AGBL1: variants seen among roughly 807,000 people sequenced by gnomAD.
The protein encoded by AGBL1 is cytosolic carboxypeptidase 4.
Under a neutral mutation model 118.9 loss-of-function variants are expected in AGBL1, and 130 were observed. The ratio of observed to expected loss-of-function variants is 1.09; its 90% confidence interval spans 0.95 to 1.26. The LOEUF (loss-of-function observed/expected upper bound fraction) is 1.26, where lower values mean the gene tolerates loss of function less well. Ranked by LOEUF, AGBL1 falls within the 50% of genes most tolerant of loss-of-function variation. AGBL1 has a pLI of 0.00. For synonymous variants in AGBL1, 555 were observed against 478.9 expected, an observed-to-expected ratio of 1.16 and a Z score of -2.08; for missense variants, 1,584 against 1,298.1, an observed-to-expected ratio of 1.22 and a Z score of -3.38.
chr15:86,899,348 A>C (rs570065182), intron 22 of AGBL1, among the ~76,000 whole-genome samples: 7 of 152,264 alleles, frequency 4.6e-5, no homozygotes, highest in African/African-American at 1.7e-4. Flanking sequence ...GAACTTTTAA[A>C]CCCAAAAAGG....
At chr15:86,436,685 G>C (rs185135031) in intron 18 of AGBL1, among the ~76,000 whole-genome samples, 11 of 152,282 alleles carry the variant, frequency 7.2e-5, no homozygotes, top group Admixed American at 1.3e-4. Context: ...AATATTTGTT[G>C]ACAACCATGA....
At chr15:86,821,981 G>T (rs771286991) in intron 22 of AGBL1, among the ~76,000 whole-genome samples, 1 of 152,084 alleles carries the variant, frequency 6.6e-6, no homozygotes, top group Non-Finnish European at 1.5e-5. Flanking sequence ...TCCTGTCTCA[G>T]AGTTTTCTGA....
intron 22 of AGBL1, among the ~76,000 whole-genome samples, chr15:86,678,145 C>T (rs1383775652): frequency 1.3e-5 from 2 of 152,100 alleles, no homozygotes; most frequent in African/African-American, 4.8e-5. Flanking sequence ...ATTTAACATC[C>T]ACTCTTCTAT....
intron 23 of AGBL1, among the ~76,000 whole-genome samples, chr15:86,935,671 A>G (rs1406991597): frequency 6.6e-6 from 1 of 152,334 alleles, no homozygotes; most frequent in South Asian, 2.1e-4. Flanking sequence ...TTATGGAAAC[A>G]TAAAGAGCCC....
At chr15:86,144,416 C>G (rs527763102) in intron 3 of AGBL1, among the ~76,000 whole-genome samples, 42 of 152,294 alleles carry the variant, frequency 2.8e-4, no homozygotes, top group African/African-American at 9.4e-4. Flanking sequence ...CGGACTCAAC[C>G]TAAACGCCCA....
chr15:86,546,279 C>T, intron 20 of AGBL1, 146 bp downstream of exon 20: 1 of 1,019,070 alleles, frequency 9.8e-7, no homozygotes, highest in Non-Finnish European at 1.3e-6. Flanking sequence ...GATTGTAATA[C>T]AAGCAGGCTG....
chr15:86,994,593 T>C (rs1342291247), intron 24 of AGBL1, among the ~76,000 whole-genome samples: 1 of 152,198 alleles, frequency 6.6e-6, no homozygotes, highest in Non-Finnish European at 1.5e-5. Context: ...AAATGATACA[T>C]TTATTTCTAG....
At chr15:86,290,682 TA>T (rs1194459582) in intron 16 of AGBL1, among the ~76,000 whole-genome samples, 27 of 148,800 alleles carry the variant, frequency 1.8e-4, no homozygotes, top group African/African-American at 4.2e-4. Context: ...ATTTTTTATT[TA>T]TTTTTTTTAT....
At chr15:86,811,804 C>G (rs2078794135) in intron 22 of AGBL1, among the ~76,000 whole-genome samples, 1 of 152,134 alleles carries the variant, frequency 6.6e-6, no homozygotes, top group Non-Finnish European at 1.5e-5. Context: ...ACAGTAACAC[C>G]TGTCAATAAA....
intron 22 of AGBL1, among the ~76,000 whole-genome samples, chr15:86,726,120 T>C (rs1477300666): frequency 1.3e-5 from 2 of 152,248 alleles, no homozygotes; most frequent in East Asian, 3.8e-4. Flanking sequence ...TTGTAAATTT[T>C]AAGACTTTTG....
intron 21 of AGBL1, among the ~76,000 whole-genome samples, chr15:86,661,262 C>G (rs114349145): frequency 2.0e-5 from 3 of 152,202 alleles, no homozygotes; most frequent in African/African-American, 7.2e-5. Context: ...AATGTCCACC[C>G]TGGACTCTAA....
intron 23 of AGBL1, among the ~76,000 whole-genome samples, chr15:86,973,315 C>A (rs72757456): frequency 0.04 from 6,090 of 152,098 alleles, 151 homozygotes; most frequent in Middle Eastern, 0.068. Context: ...CCTAAACTTA[C>A]TTTTGTGACT....
At chr15:86,958,835 A>C (rs1296861912) in intron 23 of AGBL1, among the ~76,000 whole-genome samples, 1 of 152,166 alleles carries the variant, frequency 6.6e-6, no homozygotes, top group Non-Finnish European at 1.5e-5. Flanking sequence ...ATTCAGTGGG[A>C]CACTATGTGT....
At chr15:86,090,202 C>G (rs1212049342) in intron 1 of AGBL1, among the ~76,000 whole-genome samples, 2 of 152,176 alleles carry the variant, frequency 1.3e-5, no homozygotes, top group Non-Finnish European at 1.5e-5. Flanking sequence ...GGCAGTCTGA[C>G]TCCAGATTCC....
At chr15:86,795,403 C>T (rs2141338465) in intron 22 of AGBL1, among the ~76,000 whole-genome samples, 1 of 152,076 alleles carries the variant, frequency 6.6e-6, no homozygotes, top group East Asian at 2.0e-4. Context: ...GAAATAATGT[C>T]ATTGGGAGCA....
chr15:86,441,298 T>A (rs28549304), intron 18 of AGBL1, among the ~76,000 whole-genome samples: 23,192 of 151,910 alleles, frequency 0.15, 1,958 homozygotes, highest in African/African-American at 0.22. Flanking sequence ...TTACTTTTTT[T>A]AAAAAAAATA....
intron 22 of AGBL1, among the ~76,000 whole-genome samples, chr15:86,691,081 A>G (rs1348501931): frequency 2.0e-5 from 3 of 151,494 alleles, no homozygotes; most frequent in Non-Finnish European, 4.4e-5. Context: ...TTTCTCTATT[A>G]AGAAGTGGAG....
At chr15:86,293,642 A>G (rs1318149207) in intron 16 of AGBL1, among the ~76,000 whole-genome samples, 2 of 152,218 alleles carry the variant, frequency 1.3e-5, no homozygotes, top group African/African-American at 4.8e-5. Flanking sequence ...TCTGAAGGTG[A>G]GAACGTGAAC....
chr15:86,263,929 C>T (rs1331396948), intron 10 of AGBL1, among the ~76,000 whole-genome samples: 3 of 152,110 alleles, frequency 2.0e-5, no homozygotes, highest in Non-Finnish European at 2.9e-5. Flanking sequence ...GAATTATTCT[C>T]AAGTGAAAGG....
Sources: gnomAD v4.1 joint callset for allele counts (sites outside exome capture counted in the v4.1 genomes callset) on GRCh38, gnomAD v4.1.1 for gene constraint, MANE v1.5 for transcripts, NCBI Gene and HGNC (gene_info 2026-07-23, HGNC 2026-07-21) for gene names.